Variants in STAG1 observed in about 807,000 individuals in gnomAD.
The protein encoded by STAG1 is STAG1 cohesin complex component, also known as cohesin subunit SA-1.
In STAG1, 26 loss-of-function variants were observed where a neutral mutation model predicts 170.9. The observed-to-expected ratio is 0.15, with a 90% CI of 0.11 to 0.21. STAG1 has a LOEUF of 0.21. STAG1 is among the 10% of genes least tolerant of loss of function. The pLI, the probability that STAG1 is intolerant of heterozygous loss-of-function variation, is 1.00. For synonymous variants in STAG1, 514 were observed against 497.7 expected (o/e 1.03, Z -0.44); for missense variants, 964 against 1,509.5 (o/e 0.64, Z 5.99).
chr3:136,568,821 C>T lies in STAG1; in HGVS notation c.338G>A (p.Arg113Lys). 2.5e-6 allele frequency: 4 copies of T among 1,612,412 alleles called. No homozygotes were observed. Among genetic ancestry groups the T allele is most frequent in the African/African-American group, 1.3e-5 (1 of 74,940 alleles). Residue 113 changes from arginine (R) to lysine (K), a missense_variant, in exon 5 of 34, where the codon AGG (arginine) becomes AAG (lysine). Arg to Lys is a conservative substitution (Grantham distance 26). This residue lies in a region of STAG1 where 33 missense variants were observed against 86.0 expected (regional missense o/e 0.38). Transcript: ENST00000383202. ...GATTAAATCCAGAAGTGCGATGTCC[C>T]TGTCTTGTTTATATGATTCAATCCA... ...DDWIESYKQDRDIALLDLINF... is the reference protein window; with the variant it reads ...DDWIESYKQDKDIALLDLINF...
At chr3:136,505,967 G>C (rs1933738042) in intron 7 of STAG1, among the ~76,000 whole-genome samples, 1 of 152,192 alleles carries the variant, frequency 6.6e-6, no homozygotes, top group Admixed American at 6.5e-5. Flanking sequence ...GAGGTAGTCA[G>C]AGGCAGAAGA....
chr3:136,357,695 A>G (rs1274399186), intron 28 of STAG1, 25 bp downstream of exon 28: 1 of 1,552,212 alleles, frequency 6.4e-7, no homozygotes, highest in African/African-American at 1.4e-5. Flanking sequence ...TATAAAAACC[A>G]CTTCTCTTGT....
chr3:136,551,209 GAGA>G (rs1936373507), intron 5 of STAG1, among the ~76,000 whole-genome samples: 7 of 13,420 alleles, frequency 5.2e-4, no homozygotes, highest in East Asian at 8.1e-3. Context: ...GAGAGAGAGT[GAGA>G]GAGAGAGAGA....
chr3:136,717,521 G>A (rs373513429), intron 1 of STAG1, among the ~76,000 whole-genome samples: 3 of 152,240 alleles, frequency 2.0e-5, no homozygotes, highest in African/African-American at 7.2e-5. Flanking sequence ...AAAATTAACC[G>A]AGTGTGGTGA....
At chr3:136,723,785 G>A (rs1933470435) in intron 1 of STAG1, among the ~76,000 whole-genome samples, 2 of 142,712 alleles carry the variant, frequency 1.4e-5, no homozygotes, top group Non-Finnish European at 3.1e-5. Context: ...AAGGAGGTGG[G>A]GGGGTCAGCC....
intron 3 of STAG1, among the ~76,000 whole-genome samples, chr3:136,611,296 T>C (rs1469502437): frequency 6.6e-6 from 1 of 151,958 alleles, no homozygotes; most frequent in Non-Finnish European, 1.5e-5. Context: ...ATTACAAGCA[T>C]GCGCCACCAT....
chr3:136,474,506 A>G (rs2089697851), intron 10 of STAG1, among the ~76,000 whole-genome samples: 2 of 152,216 alleles, frequency 1.3e-5, no homozygotes, highest in African/African-American at 4.8e-5. Flanking sequence ...TCTGAGGAAT[A>G]GGGTTCTGAT....
intron 7 of STAG1, among the ~76,000 whole-genome samples, chr3:136,519,510 A>C (rs935227887): frequency 3.9e-4 from 59 of 152,214 alleles, no homozygotes; most frequent in African/African-American, 1.3e-3. Context: ...GGTTATTTAC[A>C]AGCAATTTCT....
At chr3:136,558,778 G>A (rs921110952) in intron 5 of STAG1, among the ~76,000 whole-genome samples, 2 of 152,154 alleles carry the variant, frequency 1.3e-5, no homozygotes, top group Admixed American at 6.5e-5. Flanking sequence ...GCAAACTAGA[G>A]CATTTTGTGC....
chr3:136,582,898 G>A (rs1282224978), intron 4 of STAG1, among the ~76,000 whole-genome samples: 1 of 152,020 alleles, frequency 6.6e-6, no homozygotes, highest in Non-Finnish European at 1.5e-5. Context: ...ATGAGCAAAG[G>A]GTTGCCACAA....
intron 7 of STAG1, among the ~76,000 whole-genome samples, chr3:136,513,300 C>T (rs1321126917): frequency 2.0e-5 from 3 of 151,400 alleles, no homozygotes; most frequent in Non-Finnish European, 4.4e-5. Context: ...TAGGTCATAG[C>T]GAGCCAAGAT....
At chr3:136,424,114 C>T (rs974027186) in intron 16 of STAG1, among the ~76,000 whole-genome samples, 1 of 151,932 alleles carries the variant, frequency 6.6e-6, no homozygotes, top group African/African-American at 2.4e-5. Flanking sequence ...CCACCACGCC[C>T]GGCCTTGTTG....
intron 1 of STAG1, among the ~76,000 whole-genome samples, chr3:136,751,502 T>C (rs1250912550): frequency 6.6e-6 from 1 of 151,864 alleles, no homozygotes; most frequent in Non-Finnish European, 1.5e-5. Flanking sequence ...GGGCAGTGCT[T>C]AGGCCTGGAC....
intron 1 of STAG1, among the ~76,000 whole-genome samples, chr3:136,741,532 G>A (rs946684456): frequency 9.2e-5 from 14 of 151,952 alleles, no homozygotes; most frequent in Admixed American, 5.9e-4. Flanking sequence ...GCGATGTCGC[G>A]ATCTCAGCTC....
intron 29 of STAG1, among the ~76,000 whole-genome samples, chr3:136,346,743 A>G (rs1038141408): frequency 6.6e-6 from 1 of 152,278 alleles, no homozygotes; most frequent in Non-Finnish European, 1.5e-5. Context: ...GATATAACGC[A>G]TGTTAAAACA....
intron 13 of STAG1, among the ~76,000 whole-genome samples, chr3:136,461,590 GAA>G (rs777255297): frequency 9.2e-5 from 10 of 108,662 alleles, no homozygotes; most frequent in East Asian, 2.7e-4. Flanking sequence ...ACTCCGTCTT[GAA>G]AAAAAAAAAA....
chr3:136,460,042 T>C (rs2089230528), intron 13 of STAG1, among the ~76,000 whole-genome samples: 2 of 152,014 alleles, frequency 1.3e-5, no homozygotes, highest in African/African-American at 2.4e-5. Context: ...AGAGAATAAA[T>C]GTAATTAAGA....
chr3:136,437,124 T>TA (rs1363889794), intron 15 of STAG1, among the ~76,000 whole-genome samples: 5 of 152,220 alleles, frequency 3.3e-5, no homozygotes, highest in Non-Finnish European at 5.9e-5. Flanking sequence ...AACACAGTCT[T>TA]ACGGAAAGTG....
At position 136,344,700 on chromosome 3, in the gene STAG1, G is replaced by A. The variant is rs1365372951; in HGVS notation, c.3272-694C>T. On this transcript the variant is annotated intron_variant, in intron 29 of 33. Coordinates refer to ENST00000383202, the MANE Select transcript of STAG1 (RefSeq NM_005862.3). ...GTGATCTCGGCTCACTGCAACCTCC[G>A]CCTCCCAGGTTCAAGCGATTCTCCT... Among the ~76,000 whole-genome samples, 10 of 151,922 alleles carry A rather than the reference G, an allele frequency of 6.6e-5. No individual in the cohort carries two copies. The South Asian group carries it at 1.9e-3, about 28-fold the overall frequency.
Sources: allele counts gnomAD v4.1 joint callset (sites outside exome capture counted in the v4.1 genomes callset), GRCh38; gene constraint gnomAD v4.1.1; regional missense constraint gnomAD v4.1.1; transcripts MANE v1.5; gene names NCBI Gene and HGNC (gene_info 2026-07-23, HGNC 2026-07-21).